PHACTR1: variants seen among roughly 807,000 people sequenced by gnomAD.
PHACTR1 encodes the protein RPEL repeat containing 1.
Under a neutral mutation model 69.2 loss-of-function variants are expected in PHACTR1, and 16 were observed. The ratio of observed to expected loss-of-function variants is 0.23; its 90% CI spans 0.16 to 0.35. The LOEUF (loss-of-function observed/expected upper bound fraction) is 0.35, where lower values mean the gene tolerates loss of function less well. PHACTR1 is among the 10% of genes least tolerant of loss of function. The probability of loss-of-function intolerance (pLI) is 1.00; values close to 1 mark genes in which losing one functional copy is unlikely to be tolerated. For missense variants in PHACTR1, 510 were observed against 734.7 expected, an observed-to-expected ratio of 0.69 and a Z score of 3.54; for synonymous variants, 312 against 284.5, an observed-to-expected ratio of 1.10 and a Z score of -0.97.
intron 4 of PHACTR1, among the ~76,000 whole-genome samples, chr6:12,873,557 T>C (rs952252736): frequency 6.6e-6 from 1 of 152,098 alleles, no homozygotes; most frequent in Admixed American, 6.5e-5. Flanking sequence ...CAGGTAAGTA[T>C]ACGTTTTACA....
intron 5 of PHACTR1, among the ~76,000 whole-genome samples, chr6:13,146,747 G>A (rs1823409305): frequency 6.6e-6 from 1 of 152,126 alleles, no homozygotes; most frequent in African/African-American, 2.4e-5. Context: ...TAATAATTAG[G>A]TGTCTGGAAT....
At chr6:12,990,728 G>A (rs1562101683) in intron 4 of PHACTR1, among the ~76,000 whole-genome samples, 1 of 152,220 alleles carries the variant, frequency 6.6e-6, no homozygotes, top group Non-Finnish European at 1.5e-5. Context: ...GCATCCAGAA[G>A]AATCAGATCA....
chr6:12,726,878 GTT>G (rs1762862101), intron 3 of PHACTR1, among the ~76,000 whole-genome samples: 3 of 152,066 alleles, frequency 2.0e-5, no homozygotes, highest in Non-Finnish European at 4.4e-5. Context: ...CTGTATTTTT[GTT>G]GGTTTGCTAT....
chr6:12,899,220 G>T (rs1784963745), intron 4 of PHACTR1, among the ~76,000 whole-genome samples: 1 of 152,152 alleles, frequency 6.6e-6, no homozygotes, highest in Admixed American at 6.5e-5. Flanking sequence ...TTCATGATTT[G>T]CCCACACCTA....
intron 4 of PHACTR1, among the ~76,000 whole-genome samples, chr6:12,756,164 T>C (rs1252016444): frequency 6.6e-6 from 1 of 152,206 alleles, no homozygotes; most frequent in African/African-American, 2.4e-5. Flanking sequence ...TTATTTAGTG[T>C]ACAAGAATTA....
chr6:13,094,940 T>A (rs1212262254), intron 5 of PHACTR1, among the ~76,000 whole-genome samples: 1 of 152,106 alleles, frequency 6.6e-6, no homozygotes, highest in Admixed American at 6.5e-5. Context: ...CAGAAGTTAT[T>A]AAAGCTAAAT....
intron 8 of PHACTR1, among the ~76,000 whole-genome samples, chr6:13,208,631 A>G (rs1781696): frequency 9.5e-4 from 130 of 137,174 alleles, no homozygotes; most frequent in South Asian, 8.7e-3. Flanking sequence ...ATTGCTGCCC[A>G]CCCCCCCAAC....
intron 5 of PHACTR1, among the ~76,000 whole-genome samples, chr6:13,122,283 G>A (rs1437036486): frequency 3.9e-5 from 6 of 152,132 alleles, no homozygotes; most frequent in South Asian, 2.1e-4. Flanking sequence ...ATTTTTAATT[G>A]GCATTGCATA....
chr6:12,734,096 G>A (rs1325042011), intron 3 of PHACTR1, among the ~76,000 whole-genome samples: 4 of 152,114 alleles, frequency 2.6e-5, no homozygotes, highest in Non-Finnish European at 4.4e-5. Context: ...TTAAGAAACT[G>A]GGAGGAAAGG....
chr6:13,168,664 G>A (rs1018219866), intron 6 of PHACTR1, among the ~76,000 whole-genome samples: 1 of 152,164 alleles, frequency 6.6e-6, no homozygotes, highest in African/African-American at 2.4e-5. Context: ...ACTTAGGGAA[G>A]GCATCTTGGA....
intron 4 of PHACTR1, among the ~76,000 whole-genome samples, chr6:13,046,430 TGGATGCTAAG>T (rs368017191): frequency 6.6e-6 from 1 of 152,240 alleles, no homozygotes; most frequent in East Asian, 1.9e-4. Flanking sequence ...CCTCTTTGAC[TGGATGCTAAG>T]GGATGGGGTG....
At chr6:12,754,128 A>ATTTTTTT (rs34841058) in intron 4 of PHACTR1, among the ~76,000 whole-genome samples, 1 of 112,426 alleles carries the variant, frequency 8.9e-6, no homozygotes, top group African/African-American at 3.4e-5. Context: ...ACGCCTGGCT[A>ATTTTTTT]TTTTTTTTTT....
chr6:13,236,900 C>A (rs1772074021), intron 10 of PHACTR1, among the ~76,000 whole-genome samples: 1 of 152,076 alleles, frequency 6.6e-6, no homozygotes, highest in African/African-American at 2.4e-5. Context: ...AGAAGTGAAG[C>A]AGACAGTGAG....
At chr6:12,953,226 G>A (rs1448851023) in intron 4 of PHACTR1, among the ~76,000 whole-genome samples, 4 of 152,134 alleles carry the variant, frequency 2.6e-5, no homozygotes, top group Non-Finnish European at 4.4e-5. Flanking sequence ...GAGAGGCTGC[G>A]GCAGGAGAAT....
intron 10 of PHACTR1, among the ~76,000 whole-genome samples, chr6:13,252,200 C>A (rs1245466041): frequency 3.3e-5 from 5 of 149,324 alleles, no homozygotes; most frequent in Non-Finnish European, 5.9e-5. Context: ...ACATGGCAAA[C>A]CCCTGCCTTT....
At chr6:13,205,369 T>G (rs968390162) in intron 7 of PHACTR1, among the ~76,000 whole-genome samples, 1 of 152,198 alleles carries the variant, frequency 6.6e-6, no homozygotes, top group Admixed American at 6.5e-5. Context: ...AGGTTCCACC[T>G]CCCGACATCC....
At chr6:13,276,785 A>G (rs202043) in intron 11 of PHACTR1, among the ~76,000 whole-genome samples, 10,605 of 152,184 alleles carry the variant, frequency 0.07, 676 homozygotes, top group Admixed American at 0.22. Flanking sequence ...AAAATAAAAA[A>G]TTAAAAAAAT....
chr6:12,986,272 G>C (rs1432451987), intron 4 of PHACTR1, among the ~76,000 whole-genome samples: 1 of 152,194 alleles, frequency 6.6e-6, no homozygotes. Context: ...CTTGATCTGG[G>C]TGATGTCTGC....
intron 4 of PHACTR1, among the ~76,000 whole-genome samples, chr6:12,958,628 C>A (rs1180322619): frequency 6.6e-6 from 1 of 152,214 alleles, no homozygotes; most frequent in East Asian, 1.9e-4. Flanking sequence ...TCTTTTAACA[C>A]TGACTTCTAA....
Sources: allele counts gnomAD v4.1 joint callset (sites outside exome capture counted in the v4.1 genomes callset), GRCh38; gene constraint gnomAD v4.1.1; transcripts MANE v1.5; gene names NCBI Gene and HGNC (gene_info 2026-07-23, HGNC 2026-07-21).